Variants in ZNF469 observed in about 807,000 individuals in gnomAD.
The protein encoded by ZNF469 is zinc finger protein 469.
Under a neutral mutation model 1.0 loss-of-function variants are expected in ZNF469, and 1 was observed. That is an observed-to-expected ratio of 1.00 (90% CI 0.35 to 4.73). The LOEUF is 4.73. Among genes scored for constraint, ZNF469 ranks in the 30% most tolerant of loss-of-function variants. The probability of loss-of-function intolerance (pLI) is 0.16; values close to 1 mark genes in which losing one functional copy is unlikely to be tolerated. For missense variants in ZNF469, 6,100 were observed against 5,356.3 expected, an observed-to-expected ratio of 1.14 and a Z score of -4.33; for synonymous variants, 2,703 against 2,363.4, an observed-to-expected ratio of 1.14 and a Z score of -4.17.
At chr16:88,325,103 A>ACACAGGGC in the ZNF469 span, among the ~76,000 whole-genome samples, 2 of 151,808 alleles carry the variant, frequency 1.3e-5, no homozygotes, top group African/African-American at 4.9e-5. Context: ...GCTGCGGCAT[A>ACACAGGGC]CTCAGGGTCT....
At chr16:88,174,045 C>A in the ZNF469 span, among the ~76,000 whole-genome samples, 1 of 151,922 alleles carries the variant, frequency 6.6e-6, no homozygotes, top group Non-Finnish European at 1.5e-5. Context: ...AAATTATGAA[C>A]AACAATTGTA....
At chr16:88,137,818 C>T in the ZNF469 span, among the ~76,000 whole-genome samples, 1 of 152,152 alleles carries the variant, frequency 6.6e-6, no homozygotes, top group Non-Finnish European at 1.5e-5. Context: ...ATGGTCAAGG[C>T]TCAGGGAGCA....
At chr16:88,222,759 A>AG in the ZNF469 span, among the ~76,000 whole-genome samples, 2 of 41,094 alleles carry the variant, frequency 4.9e-5, no homozygotes, top group Non-Finnish European at 1.5e-4. Context: ...CTCCATCCCG[A>AG]AAAAAAAAAA....
At chr16:88,249,423 CTTTTTCTTTTTTTT>C in the ZNF469 span, among the ~76,000 whole-genome samples, 44 of 61,754 alleles carry the variant, frequency 7.1e-4, no homozygotes, top group African/African-American at 2.9e-3. Context: ...CTTTCTTTTT[CTTTTTCTTTTTTTT>C]TTTTTTTTTT....
the ZNF469 span, among the ~76,000 whole-genome samples, chr16:88,351,240 T>A: frequency 6.6e-6 from 1 of 152,242 alleles, no homozygotes; most frequent in Non-Finnish European, 1.5e-5. Context: ...CTCCCACTGC[T>A]GGTCCCGGGT....
chr16:88,392,758 C>T (rs1333860625), intron 1 of ZNF469, among the ~76,000 whole-genome samples: 2 of 152,254 alleles, frequency 1.3e-5, no homozygotes, highest in Non-Finnish European at 2.9e-5. Flanking sequence ...TATTCATCTC[C>T]ACCTGGAATT....
At chr16:88,200,155 C>G in the ZNF469 span, among the ~76,000 whole-genome samples, 10 of 152,264 alleles carry the variant, frequency 6.6e-5, no homozygotes, top group East Asian at 1.7e-3. Context: ...GGGTGTGTGT[C>G]AGCAGCAGTG....
chr16:88,357,501 G>T, the ZNF469 span, among the ~76,000 whole-genome samples: 4 of 152,194 alleles, frequency 2.6e-5, no homozygotes, highest in African/African-American at 7.2e-5. Context: ...GGGCCTCGGT[G>T]GCATCAGCCA....
chr16:88,422,967 G>A (rs1460419670), intron 1 of ZNF469, among the ~76,000 whole-genome samples: 2 of 150,650 alleles, frequency 1.3e-5, no homozygotes, highest in Non-Finnish European at 3.0e-5. Flanking sequence ...GTGGATGGAT[G>A]GATTAATGGA....
At chr16:88,328,018 G>C in the ZNF469 span, among the ~76,000 whole-genome samples, 1 of 152,234 alleles carries the variant, frequency 6.6e-6, no homozygotes, top group African/African-American at 2.4e-5. Flanking sequence ...GCCCAGGCAG[G>C]AGAGCAGCAG....
At chr16:88,110,619 C>T in the ZNF469 span, among the ~76,000 whole-genome samples, 1 of 152,260 alleles carries the variant, frequency 6.6e-6, no homozygotes, top group African/African-American at 2.4e-5. Flanking sequence ...GAGAGATGTC[C>T]TCCCAGCGTG....
the ZNF469 span, among the ~76,000 whole-genome samples, chr16:88,172,517 C>T: frequency 4.6e-5 from 7 of 152,026 alleles, no homozygotes; most frequent in African/African-American, 7.2e-5. Flanking sequence ...ACATAAAGTC[C>T]AACGCTATTC....
chr16:88,413,624 G>A (rs1305012799), intron 1 of ZNF469, among the ~76,000 whole-genome samples: 1 of 152,230 alleles, frequency 6.6e-6, no homozygotes, highest in African/African-American at 2.4e-5. Flanking sequence ...TGGGGGCAGC[G>A]TTATAGCAAG....
chr16:88,164,166 A>G, the ZNF469 span, among the ~76,000 whole-genome samples: 4 of 148,740 alleles, frequency 2.7e-5, no homozygotes, highest in Non-Finnish European at 4.5e-5. Flanking sequence ...AGATGAATGT[A>G]TGGATGGATG....
At chr16:88,185,555 TCA>T in the ZNF469 span, among the ~76,000 whole-genome samples, 15 of 148,978 alleles carry the variant, frequency 1.0e-4, no homozygotes, top group Admixed American at 2.0e-4. Flanking sequence ...ACATTCGCAC[TCA>T]CACACACGTG....
chr16:88,428,509 C>G lies in ZNF469; in HGVS notation c.1039C>G (p.Arg347Gly). 1 of 1,549,868 alleles carries G rather than the reference C, an allele frequency of 6.5e-7. No individual in the cohort carries two copies. The highest frequency in any genetic ancestry group is 1.2e-5 in the South Asian group (1 of 84,062). ...CYQGQPGGLN[R>G]HSDLSGALSS... Reference sequence around the variant, plus strand: ...CCAGGGCCAGCCAGGTGGCCTGAACCGCCACAGCGACCTCAGTGGTGCCCT... The same window carrying G: ...CCAGGGCCAGCCAGGTGGCCTGAACGGCCACAGCGACCTCAGTGGTGCCCT... Residue 347 changes from arginine (R) to glycine (G), a missense_variant, in exon 3 of 3, where the codon CGC (arginine) becomes GGC (glycine). Arg to Gly is a moderately radical substitution (Grantham distance 125). Transcript: ENST00000565624.
chr16:88,433,552 G>C lies in ZNF469; in HGVS notation c.6082G>C (p.Gly2028Arg), dbSNP rs192580109. The change falls in exon 3 of 3, where the codon GGC becomes CGC. Residue 2028 changes from glycine to arginine, a missense_variant. Coordinates refer to ENST00000565624, the MANE Select transcript of ZNF469 (RefSeq NM_001367624.2). ...TGCCAGTCCCAAAACAGCGCTGACC[G>C]GCCCCACCGAGGGTGCAGTCCTGCT... ...VNASPKTALT[G>R]PTEGAVLLEK... 5.8e-6 allele frequency: 9 copies of C among 1,549,710 alleles called. No individual in the cohort carries two copies. In the Admixed American group the frequency reaches 1.4e-4, roughly 24 times the overall value.
the ZNF469 span, among the ~76,000 whole-genome samples, chr16:88,221,923 A>C: frequency 5.3e-5 from 8 of 152,156 alleles, no homozygotes; most frequent in African/African-American, 1.9e-4. Flanking sequence ...TCCCTACTTC[A>C]GAACAATCTC....
chr16:88,189,721 A>G, the ZNF469 span, among the ~76,000 whole-genome samples: 4 of 152,282 alleles, frequency 2.6e-5, no homozygotes, highest in East Asian at 3.9e-4. The surrounding 1 kb of genome is among the most constrained non-coding windows in gnomAD (Gnocchi z 4.3). Context: ...GGAGTTGGAG[A>G]CCAGCCTGGC....
Sources: gnomAD v4.1 joint callset for allele counts (sites outside exome capture counted in the v4.1 genomes callset) on GRCh38, gnomAD v4.1.1 for gene constraint, Gnocchi (gnomAD v3.1) non-coding constraint, MANE v1.5 for transcripts, NCBI Gene and HGNC (gene_info 2026-07-23, HGNC 2026-07-21) for gene names.